KLHL1: variants seen among roughly 807,000 people sequenced by gnomAD.
KLHL1 encodes the protein kelch like family member 1.
In KLHL1, 47 loss-of-function variants were observed where a neutral mutation model predicts 77.7. The observed-to-expected ratio is 0.60, with a 90% CI of 0.48 to 0.77. KLHL1 has a LOEUF of 0.77. Ranked by LOEUF, KLHL1 falls within the 30% of genes least tolerant of loss-of-function variation. The pLI is 0.00. For synonymous variants in KLHL1, 360 were observed against 325.2 expected (o/e 1.11, Z -1.15); for missense variants, 925 against 910.8 (o/e 1.02, Z -0.20).
At chr13:70,107,094 C>T (rs186846255) in intron 1 of KLHL1, 109 bp downstream of exon 1, 47 of 1,486,096 alleles carry the variant, frequency 3.2e-5, no homozygotes, top group African/African-American at 1.3e-4. Flanking sequence ...CATCTCTTAA[C>T]CCACATTTTC....
chr13:69,796,894 T>C lies in KLHL1; in HGVS notation c.1483A>G (p.Arg495Gly). 6.2e-7 allele frequency: 1 copy of C among 1,614,022 alleles called. No individual in the cohort carries two copies. Among genetic ancestry groups the C allele is most frequent in the East Asian group, 2.2e-5 (1 of 44,874 alleles). ...ACAGCCACACCAAACTGCAGCCTTC[T>C]GCCATTCATCATCCCTGCCTGGATC... is the stretch of plus-strand genomic sequence containing the variant. ...LWIQAGMMNG[R>G]RLQFGVAVID... The change falls in exon 7 of 11, where the codon AGA becomes GGA. Residue 495 changes from arginine to glycine, a missense_variant. Physicochemically the swap from Arg to Gly is moderately radical, Grantham distance 125. Coordinates refer to ENST00000377844, the MANE Select transcript of KLHL1 (RefSeq NM_020866.3).
At chr13:69,701,909 A>C in intron 10 of KLHL1, 148 bp from the exon 11 acceptor site, 3 of 511,066 alleles carry the variant, frequency 5.9e-6, no homozygotes, top group Non-Finnish European at 9.9e-6. Context: ...AAATGAAAAC[A>C]CTGAAAATGG....
intron 1 of KLHL1, among the ~76,000 whole-genome samples, chr13:69,996,300 TA>T (rs201595052): frequency 5.3e-5 from 8 of 151,542 alleles, no homozygotes; most frequent in African/African-American, 1.7e-4. Flanking sequence ...AGACTCCGTT[TA>T]AAAAAAATAA....
chr13:70,050,842 A>C (rs555522144), intron 1 of KLHL1, among the ~76,000 whole-genome samples: 1 of 152,086 alleles, frequency 6.6e-6, no homozygotes, highest in East Asian at 1.9e-4. Flanking sequence ...ACCATTTTGT[A>C]AGTGTTTTTA....
intron 6 of KLHL1, among the ~76,000 whole-genome samples, chr13:69,799,727 C>T (rs1316869163): frequency 6.6e-6 from 1 of 152,136 alleles, no homozygotes; most frequent in Non-Finnish European, 1.5e-5. Flanking sequence ...TGGCTCTGTT[C>T]CTTTCTGGAG....
intron 1 of KLHL1, among the ~76,000 whole-genome samples, chr13:70,006,006 C>T (rs560865109): frequency 2.6e-5 from 4 of 152,058 alleles, no homozygotes; most frequent in Admixed American, 2.0e-4. Flanking sequence ...AGCAACGATG[C>T]TCCATTTTTC....
chr13:69,843,397 T>C (rs1879340957), intron 5 of KLHL1, among the ~76,000 whole-genome samples: 1 of 151,660 alleles, frequency 6.6e-6, no homozygotes, highest in Admixed American at 6.6e-5. Flanking sequence ...AGTAGACTCA[T>C]GACATAGATT....
At chr13:69,929,710 G>A (rs539358266) in intron 4 of KLHL1, among the ~76,000 whole-genome samples, 1 of 151,850 alleles carries the variant, frequency 6.6e-6, no homozygotes, top group East Asian at 1.9e-4. Flanking sequence ...TATGCTAGTT[G>A]TAAAATAATT....
intron 9 of KLHL1, among the ~76,000 whole-genome samples, chr13:69,715,953 C>T (rs1171444042): frequency 5.3e-5 from 8 of 151,990 alleles, no homozygotes; most frequent in African/African-American, 1.9e-4. Flanking sequence ...CTCTTGAGGC[C>T]CTATCTATCT....
intron 1 of KLHL1, among the ~76,000 whole-genome samples, chr13:70,101,294 G>T (rs902871459): frequency 1.6e-4 from 24 of 151,854 alleles, no homozygotes; most frequent in Admixed American, 1.6e-3. Context: ...TTTCATTGTT[G>T]TAATTTAAAA....
intron 1 of KLHL1, among the ~76,000 whole-genome samples, chr13:70,014,900 T>A (rs1285757094): frequency 6.6e-6 from 1 of 152,126 alleles, no homozygotes; most frequent in Non-Finnish European, 1.5e-5. Context: ...TGTATTGCTG[T>A]TGCACACTAT....
At chr13:70,006,644 C>T (rs558455704) in intron 1 of KLHL1, among the ~76,000 whole-genome samples, 6 of 151,728 alleles carry the variant, frequency 4.0e-5, no homozygotes, top group African/African-American at 1.4e-4. Flanking sequence ...TTATAAGATG[C>T]CCCTTACTGG....
chr13:69,937,048 C>A (rs113676379), intron 4 of KLHL1, among the ~76,000 whole-genome samples: 1 of 152,148 alleles, frequency 6.6e-6, no homozygotes, highest in African/African-American at 2.4e-5. Flanking sequence ...CAAAAACCAT[C>A]TAGAGAAAGG....
At chr13:69,795,612 AG>A (rs1327429722) in intron 7 of KLHL1, among the ~76,000 whole-genome samples, 1 of 152,174 alleles carries the variant, frequency 6.6e-6, no homozygotes, top group African/African-American at 2.4e-5. Flanking sequence ...CAATTTACAA[AG>A]TGATTTCATA....
rs1566265062 is a variant in KLHL1, at chr13:69,796,920, C to T, written c.1457G>A (p.Trp486Ter). ...IEKYDLRTNL[W>*]IQAGMMNGRR... ...GCCATTCATCATCCCTGCCTGGATC[C>T]ACAGATTTGTTCTCAGATCATATTT... is the stretch of plus-strand genomic sequence containing the variant. The change falls in exon 7 of 11, where the codon TGG becomes TAG. Residue 486 changes from tryptophan (W) to a stop codon, truncating the protein, a stop_gained. Coordinates refer to ENST00000377844, the MANE Select transcript of KLHL1 (RefSeq NM_020866.3). LOFTEE classifies it high-confidence loss of function. 5.0e-6 allele frequency: 8 copies of T among 1,614,130 alleles called. No homozygotes were observed. Among genetic ancestry groups the T allele is most frequent in the Non-Finnish European group, 6.8e-6 (8 of 1,180,014 alleles).
intron 3 of KLHL1, among the ~76,000 whole-genome samples, chr13:69,950,446 T>C (rs1883670984): frequency 1.3e-5 from 2 of 151,680 alleles, no homozygotes; most frequent in African/African-American, 4.8e-5. Context: ...TTCAAATTTA[T>C]TATAGTTTAT....
chr13:70,063,004 C>T (rs1304839823), intron 1 of KLHL1, among the ~76,000 whole-genome samples: 1 of 152,074 alleles, frequency 6.6e-6, no homozygotes, highest in Non-Finnish European at 1.5e-5. Flanking sequence ...CTTAACCTTT[C>T]CCATTCACAT....
At chr13:69,823,871 T>G (rs1299524185) in intron 6 of KLHL1, among the ~76,000 whole-genome samples, 1 of 152,018 alleles carries the variant, frequency 6.6e-6, no homozygotes, top group Non-Finnish European at 1.5e-5. Context: ...ATAGTTGATA[T>G]GACTCCAGTG....
At chr13:69,991,021 C>T (rs1399120200) in intron 1 of KLHL1, among the ~76,000 whole-genome samples, 2 of 151,890 alleles carry the variant, frequency 1.3e-5, no homozygotes, top group East Asian at 3.9e-4. Flanking sequence ...CATACAATTA[C>T]ATGGGTATTA....
Sources: gnomAD v4.1 joint callset for allele counts (sites outside exome capture counted in the v4.1 genomes callset) on GRCh38, gnomAD v4.1.1 for gene constraint, MANE v1.5 for transcripts, NCBI Gene and HGNC (gene_info 2026-07-23, HGNC 2026-07-21) for gene names.